IDO2: variants seen among roughly 807,000 people sequenced by gnomAD.
IDO2 encodes indoleamine 2,3-dioxygenase 2, also known as indoleamine 2,3-dioxygenase-like 1 protein.
IDO2 carries 46 observed loss-of-function variants against 45.1 expected under a neutral mutation model. The observed-to-expected ratio is 1.02, with a 90% CI of 0.80 to 1.30. The LOEUF (loss-of-function observed/expected upper bound fraction) is 1.30. IDO2 is among the 50% of genes most tolerant of loss of function. IDO2 has a pLI of 0.00. For missense variants in IDO2, 544 were observed against 491.8 expected (o/e 1.11, Z -1.00); for synonymous variants, 218 against 184.9 (o/e 1.18, Z -1.45).
Position 40,005,385 on chromosome 8 carries a change from A to T in IDO2, c.719+7A>T, listed in dbSNP as rs759104400. 17 of 1,545,560 alleles carry T rather than the reference A, an allele frequency of 1.1e-5. No individual in the cohort carries two copies. Among genetic ancestry groups the T allele is most frequent in the Non-Finnish European group, 1.5e-5 (17 of 1,133,614 alleles). On this transcript the variant is annotated splice_region_variant and intron_variant, in intron 9 of 10. Transcript: ENST00000502986. Reference sequence around the variant, plus strand: ...TCCGGATCTTTCTCTCTGGGTAAGTATAGTTCAGTTGTTTTCCTGTGTGAA... The same window carrying T: ...TCCGGATCTTTCTCTCTGGGTAAGTTTAGTTCAGTTGTTTTCCTGTGTGAA...
Position 39,991,779 on chromosome 8 carries a change from C to T in IDO2, c.667+1941C>T, listed in dbSNP as rs1163428661. ...AGAGATGGGGTTTCGCCATGTTGGC[C>T]AGGCTGGTCTCGAACTCCTGACCTC... On this transcript the variant is annotated intron_variant, in intron 8 of 10. Transcript: ENST00000502986. Among the ~76,000 whole-genome samples the T allele has an allele frequency of 3.3e-5, 5 of 152,116 alleles. No individual in the cohort carries two copies. In the South Asian group the frequency reaches 1.0e-3, roughly 31 times the overall value.
At chr8:39,951,715 C>T (rs1807817252) in intron 2 of IDO2, among the ~76,000 whole-genome samples, 2 of 152,206 alleles carry the variant, frequency 1.3e-5, no homozygotes, top group African/African-American at 4.8e-5. Flanking sequence ...ACATCTAACC[C>T]AATTCAGGAA....
chr8:39,940,929 GA>G (rs35440780), intron 1 of IDO2, among the ~76,000 whole-genome samples: 81 of 138,548 alleles, frequency 5.8e-4, no homozygotes, highest in Non-Finnish European at 6.5e-4. Context: ...AAATAAAATT[GA>G]AAAAAAAAAA....
chr8:39,958,441 G>A lies in IDO2; in HGVS notation c.100-5167G>A, dbSNP rs540601244. Among the ~76,000 whole-genome samples the A allele has an allele frequency of 4.6e-5, 7 of 152,192 alleles. No individual in the cohort carries two copies. The South Asian group carries it at 1.2e-3, about 27-fold the overall frequency. On this transcript the variant is annotated intron_variant, in intron 2 of 10. Transcript: ENST00000502986. ...GGAGACAGTCTCACTCTGTCGCCCA[G>A]GCTGGAGTGCACTGGCGTGATCTCA...
intron 8 of IDO2, among the ~76,000 whole-genome samples, chr8:39,994,247 T>C (rs1801995535): frequency 1.4e-5 from 2 of 144,376 alleles, no homozygotes; most frequent in African/African-American, 5.1e-5. Flanking sequence ...GAAGATTGTT[T>C]CTTTTTCTTT....
At position 39,987,860 on chromosome 8, in the gene IDO2, TC is replaced by T. The variant is rs1808447440; in HGVS notation, c.450-9del. On this transcript the variant is annotated splice_polypyrimidine_tract_variant and intron_variant, in intron 6 of 10. Transcript: ENST00000502986. The stretch of plus-strand genomic sequence containing the variant: ...CCACACCTCTAATCATGTGCTCCTC[TC>T]CTTCCCAAGGAACCTGGAGACCATC... The T allele has an allele frequency of 6.4e-7, 1 of 1,557,318 alleles. No individual in the cohort carries two copies. The highest frequency in any genetic ancestry group is 1.4e-5 in the African/African-American group (1 of 73,870).
chr8:39,981,419 G>A (rs1040204544), intron 4 of IDO2, among the ~76,000 whole-genome samples: 1 of 152,026 alleles, frequency 6.6e-6, no homozygotes, highest in African/African-American at 2.4e-5. Context: ...GTCCCAGTGG[G>A]TCCTCTTTAT....
intron 1 of IDO2, among the ~76,000 whole-genome samples, chr8:39,948,816 A>G (rs1341789014): frequency 1.3e-5 from 2 of 152,200 alleles, no homozygotes; most frequent in African/African-American, 4.8e-5. Flanking sequence ...CAGGTTTGAT[A>G]AACCACAACC....
chr8:39,951,088 A>T (rs1214768139), intron 2 of IDO2, among the ~76,000 whole-genome samples: 1 of 139,968 alleles, frequency 7.1e-6, no homozygotes, highest in Non-Finnish European at 1.6e-5. Flanking sequence ...GAAGCAGCAG[A>T]GTTTTTATCT....
intron 2 of IDO2, among the ~76,000 whole-genome samples, chr8:39,954,649 CTTTTTTTTTTT>C (rs542016899): frequency 4.7e-5 from 4 of 84,716 alleles, no homozygotes; most frequent in East Asian, 3.8e-4. Flanking sequence ...GTCTCTCTCT[CTTTTTTTTTTT>C]TTTTTTTTTT....
chr8:40,004,475 T>A (rs1802185058), intron 8 of IDO2, among the ~76,000 whole-genome samples: 1 of 152,084 alleles, frequency 6.6e-6, no homozygotes, highest in Non-Finnish European at 1.5e-5. Flanking sequence ...GATAAATAGA[T>A]GTTGTTATTT....
chr8:39,955,581 G>C (rs901828557), intron 2 of IDO2, among the ~76,000 whole-genome samples: 3 of 151,932 alleles, frequency 2.0e-5, no homozygotes, highest in Non-Finnish European at 2.9e-5. Flanking sequence ...CATGCCAGGT[G>C]GGGGGAGGGG....
At chr8:40,002,523 G>A (rs1469844403) in intron 8 of IDO2, among the ~76,000 whole-genome samples, 3 of 152,150 alleles carry the variant, frequency 2.0e-5, no homozygotes, top group African/African-American at 7.2e-5. Context: ...AGCTGGGCGC[G>A]GTGGCTCACG....
At chr8:40,002,353 C>T (rs111969903) in intron 8 of IDO2, among the ~76,000 whole-genome samples, 5 of 152,238 alleles carry the variant, frequency 3.3e-5, no homozygotes, top group Admixed American at 6.5e-5. Context: ...TATCATCTGC[C>T]TTAAAAACTC....
intron 8 of IDO2, among the ~76,000 whole-genome samples, chr8:39,996,239 C>G (rs908637702): frequency 2.0e-5 from 3 of 152,186 alleles, no homozygotes; most frequent in African/African-American, 7.2e-5. Flanking sequence ...TAACCGTCTC[C>G]CTGTGATGCT....
intron 8 of IDO2, among the ~76,000 whole-genome samples, chr8:40,000,858 G>T (rs889955696): frequency 6.6e-6 from 1 of 152,000 alleles, no homozygotes; most frequent in Non-Finnish European, 1.5e-5. Flanking sequence ...ATTTAGTTTT[G>T]TCAACTTCAT....
chr8:39,940,950 C>T (rs892985099), intron 1 of IDO2, among the ~76,000 whole-genome samples: 7 of 141,472 alleles, frequency 4.9e-5, no homozygotes, highest in Non-Finnish European at 9.2e-5. Flanking sequence ...AAAACTTTGG[C>T]TGGGCGCGGT....
chr8:39,961,062 C>T (rs12056378), intron 2 of IDO2, among the ~76,000 whole-genome samples: 26,484 of 152,080 alleles, frequency 0.17, 2,846 homozygotes, highest in South Asian at 0.32. Context: ...GGATTATAGG[C>T]GTGAGCCACC....
At chr8:39,954,539 G>A (rs1422510194) in intron 2 of IDO2, among the ~76,000 whole-genome samples, 1 of 152,006 alleles carries the variant, frequency 6.6e-6, no homozygotes, top group East Asian at 1.9e-4. Context: ...AGGTGTCGTG[G>A]AGTTGGTTTC....
Sources: allele counts gnomAD v4.1 joint callset (sites outside exome capture counted in the v4.1 genomes callset), GRCh38; gene constraint gnomAD v4.1.1; transcripts MANE v1.5; gene names NCBI Gene and HGNC (gene_info 2026-07-23, HGNC 2026-07-21).